UNC5D: variants seen among roughly 807,000 people sequenced by gnomAD.
The protein encoded by UNC5D is unc-5 netrin receptor D.
In UNC5D, 39 loss-of-function variants were observed where a neutral mutation model predicts 105.4. That is an observed-to-expected ratio of 0.37 (90% CI 0.29 to 0.48). UNC5D has a LOEUF of 0.48. Among genes scored for constraint, UNC5D ranks in the 20% least tolerant of loss-of-function variants. UNC5D has a pLI of 0.98. For synonymous variants in UNC5D, 452 were observed against 450.4 expected (o/e 1.00, Z -0.04); for missense variants, 991 against 1,202.4 (o/e 0.82, Z 2.60).
chr8:35,675,514 A>C (rs1480551747), intron 4 of UNC5D, among the ~76,000 whole-genome samples: 1 of 152,196 alleles, frequency 6.6e-6, no homozygotes, highest in Non-Finnish European at 1.5e-5. Context: ...GGTTGCATCT[A>C]TAATATATAT....
intron 4 of UNC5D, among the ~76,000 whole-genome samples, chr8:35,679,027 T>C (rs1392761414): frequency 6.6e-6 from 1 of 152,062 alleles, no homozygotes; most frequent in Admixed American, 6.6e-5. Flanking sequence ...CCAAGGTGGA[T>C]TGCTTGAGCC....
intron 1 of UNC5D, among the ~76,000 whole-genome samples, chr8:35,500,733 T>G (rs929110012): frequency 3.3e-5 from 5 of 152,214 alleles, no homozygotes; most frequent in African/African-American, 1.2e-4. Context: ...GCCTTGTATA[T>G]CACGGCTGCG....
chr8:35,495,221 G>A (rs1357371984), intron 1 of UNC5D, among the ~76,000 whole-genome samples: 1 of 152,106 alleles, frequency 6.6e-6, no homozygotes, highest in Non-Finnish European at 1.5e-5. Context: ...CTTCAGAACA[G>A]CAGCACAGGA....
At chr8:35,477,933 G>A (rs995988086) in intron 1 of UNC5D, among the ~76,000 whole-genome samples, 5 of 151,978 alleles carry the variant, frequency 3.3e-5, no homozygotes, top group African/African-American at 4.8e-5. Flanking sequence ...CATTATTATT[G>A]GTAAATAAAA....
chr8:35,300,273 C>T (rs974981313), intron 1 of UNC5D, among the ~76,000 whole-genome samples: 10 of 151,692 alleles, frequency 6.6e-5, no homozygotes, highest in East Asian at 1.9e-4. Flanking sequence ...CATGGCAAAA[C>T]GCCATCTCTA....
At chr8:35,713,953 G>A (rs1317227902) in intron 8 of UNC5D, among the ~76,000 whole-genome samples, 3 of 152,252 alleles carry the variant, frequency 2.0e-5, no homozygotes, top group Admixed American at 6.5e-5. Flanking sequence ...TCCACCCAGA[G>A]TGGATCCAGT....
At chr8:35,244,911 G>A (rs1271268419) in intron 1 of UNC5D, among the ~76,000 whole-genome samples, 2 of 152,060 alleles carry the variant, frequency 1.3e-5, no homozygotes, top group African/African-American at 4.8e-5. Context: ...AGCTACTCGG[G>A]AGGCTGAGGT....
chr8:35,724,191 C>T, intron 9 of UNC5D: 1 of 1,497,362 alleles, frequency 6.7e-7, no homozygotes, highest in South Asian at 1.3e-5. Context: ...TTGTAAATCT[C>T]TAAGACAATA....
intron 1 of UNC5D, among the ~76,000 whole-genome samples, chr8:35,319,956 C>G (rs944392950): frequency 6.6e-6 from 1 of 152,062 alleles, no homozygotes; most frequent in African/African-American, 2.4e-5. Context: ...AGTCTCTAGA[C>G]TCACTGACCG....
At chr8:35,467,589 A>AAAAAAAAAAAAAAAAAAAAAAAG (rs1554537851) in intron 1 of UNC5D, among the ~76,000 whole-genome samples, 2 of 126,246 alleles carry the variant, frequency 1.6e-5, no homozygotes, top group Non-Finnish European at 3.4e-5. Flanking sequence ...AAAAAAAAAA[A>AAAAAAAAAAAAAAAAAAAAAAAG]AAGAAGAAAA....
intron 1 of UNC5D, among the ~76,000 whole-genome samples, chr8:35,536,178 G>A (rs1472419171): frequency 6.6e-6 from 1 of 152,274 alleles, no homozygotes; most frequent in East Asian, 1.9e-4. Flanking sequence ...AGGAAATTAA[G>A]CCCCCTCTGT....
intron 1 of UNC5D, among the ~76,000 whole-genome samples, chr8:35,368,899 C>T (rs1802279685): frequency 6.6e-6 from 1 of 152,146 alleles, no homozygotes; most frequent in Admixed American, 6.6e-5. Context: ...AGAGCCTTCA[C>T]CAGCCCTGAC....
intron 8 of UNC5D, among the ~76,000 whole-genome samples, chr8:35,707,764 C>T (rs1827680860): frequency 6.6e-6 from 1 of 152,188 alleles, no homozygotes; most frequent in African/African-American, 2.4e-5. Flanking sequence ...TACATCTGTA[C>T]TTCCAGGCAT....
intron 1 of UNC5D, among the ~76,000 whole-genome samples, chr8:35,245,103 T>C (rs1459082769): frequency 6.6e-6 from 1 of 152,198 alleles, no homozygotes; most frequent in Non-Finnish European, 1.5e-5. Context: ...CTTTTCTAAA[T>C]ACCTCGTCTT....
chr8:35,304,146 T>A (rs1234414063), intron 1 of UNC5D, among the ~76,000 whole-genome samples: 1 of 152,048 alleles, frequency 6.6e-6, no homozygotes, highest in Non-Finnish European at 1.5e-5. Flanking sequence ...CACAAGAGAA[T>A]CATTTTCATA....
chr8:35,640,760 C>G (rs943079236), intron 4 of UNC5D, among the ~76,000 whole-genome samples: 1 of 152,110 alleles, frequency 6.6e-6, no homozygotes, highest in South Asian at 2.1e-4. Context: ...GAATTCGGAT[C>G]TATTTACATT....
intron 4 of UNC5D, among the ~76,000 whole-genome samples, chr8:35,615,524 CAG>C (rs1221183111): frequency 1.3e-5 from 2 of 152,100 alleles, no homozygotes; most frequent in African/African-American, 4.8e-5. Flanking sequence ...ATTTTTGAGA[CAG>C]AGTCTTGCTC....
At chr8:35,589,054 A>G (rs1281621209) in intron 3 of UNC5D, among the ~76,000 whole-genome samples, 1 of 152,086 alleles carries the variant, frequency 6.6e-6, no homozygotes, top group Non-Finnish European at 1.5e-5. Flanking sequence ...AAAAAAAAAA[A>G]AGGATTACCT....
At chr8:35,495,230 G>GA (rs1811474516) in intron 1 of UNC5D, among the ~76,000 whole-genome samples, 2 of 152,094 alleles carry the variant, frequency 1.3e-5, no homozygotes, top group South Asian at 4.1e-4. Flanking sequence ...AGCAGCACAG[G>GA]AATGAGATAA....
Sources: gnomAD v4.1 joint callset for allele counts (sites outside exome capture counted in the v4.1 genomes callset) on GRCh38, gnomAD v4.1.1 for gene constraint, MANE v1.5 for transcripts, NCBI Gene and HGNC (gene_info 2026-07-23, HGNC 2026-07-21) for gene names.